Variants in RPH3A observed in about 807,000 individuals in gnomAD.
RPH3A encodes rabphilin 3A.
A neutral mutation model predicts 102.2 loss-of-function variants in RPH3A; 48 were observed. The observed-to-expected ratio is 0.47, with a 90% CI of 0.37 to 0.60. RPH3A has a LOEUF of 0.60. RPH3A is among the 20% of genes least tolerant of loss of function. The probability of loss-of-function intolerance (pLI) is 0.00; values close to 1 mark genes in which losing one functional copy is unlikely to be tolerated. For synonymous variants in RPH3A, 310 were observed against 324.3 expected, an observed-to-expected ratio of 0.96 and a Z score of 0.47; for missense variants, 781 against 910.1, an observed-to-expected ratio of 0.86 and a Z score of 1.83.
chr12:112,776,734 C>T (rs997912757), intron 1 of RPH3A, among the ~76,000 whole-genome samples: 2 of 151,318 alleles, frequency 1.3e-5, no homozygotes, highest in African/African-American at 2.4e-5. Flanking sequence ...ATTAGCTGGG[C>T]GTGGTGGTGG....
chr12:112,858,806 C>A (rs2042458922), intron 5 of RPH3A, among the ~76,000 whole-genome samples: 1 of 152,188 alleles, frequency 6.6e-6, no homozygotes, highest in South Asian at 2.1e-4. Flanking sequence ...CTGCTTCTCA[C>A]CACCTCCAGA....
intron 3 of RPH3A, among the ~76,000 whole-genome samples, chr12:112,830,379 A>G (rs1364997457): frequency 6.6e-6 from 1 of 152,146 alleles, no homozygotes; most frequent in Non-Finnish European, 1.5e-5. Context: ...ATTTAATGGC[A>G]TTTTGGTTGG....
intron 2 of RPH3A, among the ~76,000 whole-genome samples, chr12:112,801,726 G>A (rs1798443369): frequency 6.6e-6 from 1 of 152,090 alleles, no homozygotes; most frequent in African/African-American, 2.4e-5. Context: ...CTGGTACACA[G>A]CCATCATTGA....
At chr12:112,577,371 C>G (rs2039367322) in intron 1 of RPH3A, among the ~76,000 whole-genome samples, 1 of 152,148 alleles carries the variant, frequency 6.6e-6, no homozygotes, top group African/African-American at 2.4e-5. Context: ...CCTGATGTTG[C>G]CATGGTATTT....
intron 5 of RPH3A, among the ~76,000 whole-genome samples, chr12:112,863,421 G>T (rs1011376274): frequency 6.6e-6 from 1 of 152,134 alleles, no homozygotes; most frequent in Non-Finnish European, 1.5e-5. Flanking sequence ...GGGTCCAAGC[G>T]GTTCTCCTGC....
upstream of RPH3A, among the ~76,000 whole-genome samples, chr12:112,789,340 A>G (rs2041073268): frequency 6.6e-6 from 1 of 152,172 alleles, no homozygotes; most frequent in African/African-American, 2.4e-5. Context: ...CCATCTGTAA[A>G]TTGAGGACAC....
At chr12:112,881,981 G>C (rs2042922470) in intron 15 of RPH3A, 135 bp downstream of exon 15, 1 of 591,578 alleles carries the variant, frequency 1.7e-6, no homozygotes, top group Admixed American at 2.9e-5. Flanking sequence ...GAGTAGCAAA[G>C]CCATTGCAGA....
chr12:112,722,043 A>T (rs66517857), intron 1 of RPH3A, among the ~76,000 whole-genome samples: 28,717 of 152,198 alleles, frequency 0.19, 2,900 homozygotes, highest in South Asian at 0.38. Flanking sequence ...TATAAAGGTG[A>T]ATAGAATGTC....
chr12:112,634,945 T>C (rs1281235892), intron 1 of RPH3A, among the ~76,000 whole-genome samples: 1 of 152,160 alleles, frequency 6.6e-6, no homozygotes, highest in Non-Finnish European at 1.5e-5. Context: ...TGTTTTTACA[T>C]TTTTTTCCTC....
intron 1 of RPH3A, among the ~76,000 whole-genome samples, chr12:112,720,456 A>G (rs1417263084): frequency 2.0e-5 from 3 of 152,240 alleles, no homozygotes; most frequent in Non-Finnish European, 4.4e-5. Context: ...CTAAATTAAA[A>G]GAACAAGATT....
At chr12:112,882,520 C>T (rs1179658666) in intron 15 of RPH3A, among the ~76,000 whole-genome samples, 3 of 152,176 alleles carry the variant, frequency 2.0e-5, no homozygotes, top group Non-Finnish European at 4.4e-5. Context: ...CCTGCAAGTA[C>T]CAAATGCGCC....
chr12:112,733,479 C>T (rs540337765), intron 1 of RPH3A, among the ~76,000 whole-genome samples: 1 of 152,206 alleles, frequency 6.6e-6, no homozygotes, highest in Admixed American at 6.5e-5. Context: ...CAGGGGAAGC[C>T]TTCAGCTTGT....
At chr12:112,857,344 G>A (rs570273064) in intron 5 of RPH3A, among the ~76,000 whole-genome samples, 5 of 152,288 alleles carry the variant, frequency 3.3e-5, no homozygotes, top group Admixed American at 3.3e-4. Context: ...TTGTGCATAT[G>A]TTACCTCCAG....
chr12:112,787,662 A>G (rs1335870047), upstream of RPH3A, among the ~76,000 whole-genome samples: 4 of 152,204 alleles, frequency 2.6e-5, no homozygotes, highest in African/African-American at 9.6e-5. Context: ...TTCCAGTCTC[A>G]CCACTTATGA....
chr12:112,761,204 A>C (rs1318883424), intron 1 of RPH3A, among the ~76,000 whole-genome samples: 1 of 152,190 alleles, frequency 6.6e-6, no homozygotes, highest in Non-Finnish European at 1.5e-5. Flanking sequence ...AGACAAAGGG[A>C]TTCCAGTTTG....
At chr12:112,658,107 T>C (rs982602162) in intron 1 of RPH3A, among the ~76,000 whole-genome samples, 1 of 152,226 alleles carries the variant, frequency 6.6e-6, no homozygotes, top group Non-Finnish European at 1.5e-5. Context: ...AGGGCATCTC[T>C]GGAAGACTTT....
chr12:112,792,641 AC>A (rs1288970222), intron 2 of RPH3A, among the ~76,000 whole-genome samples: 2 of 152,198 alleles, frequency 1.3e-5, no homozygotes, highest in Non-Finnish European at 2.9e-5. Context: ...GGGTACTCTG[AC>A]TTAGCAAGTG....
intron 1 of RPH3A, among the ~76,000 whole-genome samples, chr12:112,595,541 A>G (rs1370677173): frequency 1.3e-5 from 2 of 152,160 alleles, no homozygotes; most frequent in Non-Finnish European, 2.9e-5. Flanking sequence ...GGATAAGCCA[A>G]TAAGAAATCC....
At chr12:112,868,405 T>G (rs764786786) in intron 7 of RPH3A, 25 bp from the exon 8 acceptor site, 2 of 1,606,146 alleles carry the variant, frequency 1.2e-6, no homozygotes, top group African/African-American at 2.7e-5. Flanking sequence ...TGCCACATCT[T>G]CAATCCCTGT....
Sources: gnomAD v4.1 joint callset for allele counts (sites outside exome capture counted in the v4.1 genomes callset) on GRCh38, gnomAD v4.1.1 for gene constraint, MANE v1.5 for transcripts, NCBI Gene and HGNC (gene_info 2026-07-23, HGNC 2026-07-21) for gene names.